Variants in NEGR1 observed in about 807,000 individuals in gnomAD.
The protein encoded by NEGR1 is IgLON family member 4.
NEGR1 carries 10 observed loss-of-function variants against 40.9 expected under a neutral mutation model. The ratio of observed to expected loss-of-function variants is 0.24; its 90% CI spans 0.15 to 0.42. The LOEUF is 0.42. Ranked by LOEUF, NEGR1 falls within the 10% of genes least tolerant of loss-of-function variation. The pLI is 1.00. For missense variants in NEGR1, 352 were observed against 438.9 expected, an observed-to-expected ratio of 0.80 and a Z score of 1.77; for synonymous variants, 185 against 166.8, an observed-to-expected ratio of 1.11 and a Z score of -0.84.
intron 1 of NEGR1, among the ~76,000 whole-genome samples, chr1:71,983,068 T>C (rs1191691014): frequency 6.6e-6 from 1 of 152,146 alleles, no homozygotes; most frequent in Non-Finnish European, 1.5e-5. Flanking sequence ...TAATAAATGT[T>C]CTTTTTAAAC....
At chr1:71,423,878 A>C (rs1160283170) in intron 6 of NEGR1, among the ~76,000 whole-genome samples, 3 of 151,094 alleles carry the variant, frequency 2.0e-5, no homozygotes, top group Non-Finnish European at 2.9e-5. Flanking sequence ...TTGAGTATAA[A>C]GAATTAAGAC....
rs191333513 is a variant in NEGR1 at position 72,059,416 on chromosome 1, C to A, written c.177-124105G>T. ...GGGGGGTGTGGGGAGTGCAAAGTTC[C>A]TTTGCCTTGACGTGTCAAGTTGTGA... On this transcript the variant is annotated intron_variant, in intron 1 of 6. Transcript: ENST00000357731. 6.6e-5 allele frequency among the ~76,000 whole-genome samples: 10 copies of A among 151,650 alleles called. No individual in the cohort carries two copies. The East Asian group carries it at 1.9e-3, about 30-fold the overall frequency.
chr1:71,853,770 GACATTTATTT>G (rs1274200613), intron 2 of NEGR1, among the ~76,000 whole-genome samples: 2 of 152,208 alleles, frequency 1.3e-5, no homozygotes, highest in Non-Finnish European at 2.9e-5. Flanking sequence ...TAAAGTTTCT[GACATTTATTT>G]ACAAAATTTT....
At chr1:71,699,253 C>T (rs911903784) in intron 3 of NEGR1, among the ~76,000 whole-genome samples, 4 of 151,892 alleles carry the variant, frequency 2.6e-5, no homozygotes, top group African/African-American at 9.7e-5. Context: ...TATGGCCCTC[C>T]AAATCTAAAG....
At chr1:72,031,548 T>C (rs953273107) in intron 1 of NEGR1, among the ~76,000 whole-genome samples, 21 of 152,168 alleles carry the variant, frequency 1.4e-4, no homozygotes, top group Non-Finnish European at 1.9e-4. Context: ...TATTATTAGC[T>C]TCACAGTTAC....
At chr1:72,089,335 C>T (rs1648360089) in intron 1 of NEGR1, among the ~76,000 whole-genome samples, 2 of 152,270 alleles carry the variant, frequency 1.3e-5, no homozygotes, top group South Asian at 4.2e-4. Context: ...CAAGGGCTGG[C>T]AGACTAAATG....
At chr1:71,540,789 T>A (rs1402573332) in intron 6 of NEGR1, among the ~76,000 whole-genome samples, 2 of 151,560 alleles carry the variant, frequency 1.3e-5, no homozygotes, top group African/African-American at 4.8e-5. Flanking sequence ...AGAAAATAGG[T>A]TTAATTGGCT....
At chr1:71,982,891 T>G (rs1646365533) in intron 1 of NEGR1, among the ~76,000 whole-genome samples, 1 of 151,862 alleles carries the variant, frequency 6.6e-6, no homozygotes, top group Admixed American at 6.6e-5. Context: ...AAATGGTGAG[T>G]TTCCTTTTAT....
At chr1:71,854,871 T>A (rs1197783621) in intron 2 of NEGR1, among the ~76,000 whole-genome samples, 1 of 152,102 alleles carries the variant, frequency 6.6e-6, no homozygotes, top group Non-Finnish European at 1.5e-5. Flanking sequence ...ACATGGGGAT[T>A]ATGGGAACTA....
chr1:72,266,198 T>A (rs377147038), intron 1 of NEGR1, among the ~76,000 whole-genome samples: 20 of 150,938 alleles, frequency 1.3e-4, no homozygotes, highest in East Asian at 5.8e-4. Flanking sequence ...TGTAATGAAC[T>A]CTAAGAAGGA....
intron 3 of NEGR1, among the ~76,000 whole-genome samples, chr1:71,716,069 G>A (rs568462483): frequency 1.4e-4 from 22 of 152,136 alleles, no homozygotes; most frequent in South Asian, 6.2e-4. Flanking sequence ...TTGCTGAGGC[G>A]GCCTCAGGAA....
At chr1:71,642,608 T>C (rs949083121) in intron 4 of NEGR1, among the ~76,000 whole-genome samples, 2 of 151,616 alleles carry the variant, frequency 1.3e-5, no homozygotes, top group African/African-American at 4.8e-5. Context: ...TAAAGGACTA[T>C]GCAGTCAAAA....
At chr1:71,522,382 G>C (rs1339149759) in intron 6 of NEGR1, among the ~76,000 whole-genome samples, 1 of 151,836 alleles carries the variant, frequency 6.6e-6, no homozygotes, top group Admixed American at 6.6e-5. Flanking sequence ...TGTCCTCACT[G>C]TCTACTCAAC....
At chr1:71,912,479 G>C (rs959589092) in intron 2 of NEGR1, among the ~76,000 whole-genome samples, 1 of 152,188 alleles carries the variant, frequency 6.6e-6, no homozygotes, top group Non-Finnish European at 1.5e-5. Flanking sequence ...CACCACAAAA[G>C]GTAGCATATT....
intron 6 of NEGR1, among the ~76,000 whole-genome samples, chr1:71,471,157 C>T (rs540518967): frequency 1.8e-4 from 28 of 152,188 alleles, no homozygotes; most frequent in African/African-American, 6.0e-4. Context: ...TCTTTATTAA[C>T]GTAAGAAGAC....
Position 71,407,280 on chromosome 1 carries a change from A to T in NEGR1, c.*166T>A, listed in dbSNP as rs1274337529. ...AAGGTAATGTAGCTAATCAAAAAAGAGTAGAATTAAAGTATTTACATAATG... is the reference window on the plus strand; with the variant it reads ...AAGGTAATGTAGCTAATCAAAAAAGTGTAGAATTAAAGTATTTACATAATG... On this transcript the variant is annotated 3_prime_UTR_variant, in exon 7 of 7. Transcript: ENST00000357731. 3.6e-6 allele frequency: 2 copies of T among 555,254 alleles called. No homozygotes were observed. Among genetic ancestry groups the T allele is most frequent in the African/African-American group, 3.8e-5 (2 of 52,236 alleles). 34.4% of individuals were successfully genotyped at this position (555,254 alleles called of 1,614,324 possible). A position where few individuals can be genotyped will look rare whatever the true frequency, so the allele number is the denominator to read the frequency against.
chr1:72,219,466 T>C (rs1053094565), intron 1 of NEGR1, among the ~76,000 whole-genome samples: 1 of 152,092 alleles, frequency 6.6e-6, no homozygotes, highest in African/African-American at 2.4e-5. Flanking sequence ...CTTGGCATTT[T>C]AGAACTATTT....
chr1:71,678,112 A>T (rs11209819), intron 4 of NEGR1, among the ~76,000 whole-genome samples: 149,602 of 152,154 alleles, frequency 0.98, 73,585 homozygotes, highest in Middle Eastern at 1. Flanking sequence ...AAAAAAGAAG[A>T]AGTATGCACA....
At chr1:71,413,802 CTTAT>C (rs945903070) in intron 6 of NEGR1, among the ~76,000 whole-genome samples, 6 of 152,090 alleles carry the variant, frequency 3.9e-5, no homozygotes, top group Admixed American at 6.6e-5. Flanking sequence ...TAACATATAT[CTTAT>C]ATCTTTTCTA....
Sources: gnomAD v4.1 joint callset for allele counts (sites outside exome capture counted in the v4.1 genomes callset) on GRCh38, gnomAD v4.1.1 for gene constraint, MANE v1.5 for transcripts, NCBI Gene and HGNC (gene_info 2026-07-23, HGNC 2026-07-21) for gene names.